EYS: variants seen among roughly 807,000 people sequenced by gnomAD.
The protein encoded by EYS is protein eyes shut homolog.
EYS carries 250 observed loss-of-function variants against 282.1 expected under a neutral mutation model. The observed-to-expected ratio is 0.89, with a 90% CI of 0.80 to 0.98. The LOEUF (loss-of-function observed/expected upper bound fraction) is 0.98, where lower values mean the gene tolerates loss of function less well. EYS is among the 50% of genes least tolerant of loss of function. EYS has a pLI of 0.00. For synonymous variants in EYS, 1,355 were observed against 1,282.9 expected, an observed-to-expected ratio of 1.06 and a Z score of -1.20; for missense variants, 4,016 against 3,709.0, an observed-to-expected ratio of 1.08 and a Z score of -2.15.
intron 11 of EYS, among the ~76,000 whole-genome samples, chr6:65,313,942 G>T (rs531863451): frequency 6.6e-6 from 1 of 152,174 alleles, no homozygotes; most frequent in African/African-American, 2.4e-5. Flanking sequence ...TATCTGATCA[G>T]ACCCTCTGCA....
intron 28 of EYS, among the ~76,000 whole-genome samples, chr6:64,424,997 G>A (rs1774355290): frequency 6.6e-6 from 1 of 152,090 alleles, no homozygotes; most frequent in South Asian, 2.1e-4. Context: ...GAACAGAAGA[G>A]AAAAATACTG....
At chr6:64,414,231 A>AATAAATATC (rs1438353803) in intron 28 of EYS, among the ~76,000 whole-genome samples, 1 of 152,178 alleles carries the variant, frequency 6.6e-6, no homozygotes, top group Non-Finnish European at 1.5e-5. Flanking sequence ...ATCATATACA[A>AATAAATATC]ATAAATATCT....
intron 22 of EYS, among the ~76,000 whole-genome samples, chr6:64,661,116 G>C (rs1333869379): frequency 6.6e-6 from 1 of 152,096 alleles, no homozygotes; most frequent in East Asian, 1.9e-4. Flanking sequence ...TGACAAACCT[G>C]ACAAAAACAA....
chr6:65,698,644 GT>G (rs772999003), intron 1 of EYS, among the ~76,000 whole-genome samples: 2 of 152,186 alleles, frequency 1.3e-5, no homozygotes, highest in African/African-American at 4.8e-5. Context: ...GTGCACTACT[GT>G]TTTTTGTGAA....
intron 26 of EYS, among the ~76,000 whole-genome samples, chr6:64,456,112 A>T (rs192365560): frequency 2.9e-4 from 44 of 152,164 alleles, no homozygotes; most frequent in Admixed American, 1.5e-3. Context: ...AGTTTTATTT[A>T]GCTTCTTTAA....
intron 22 of EYS, among the ~76,000 whole-genome samples, chr6:64,642,759 C>A (rs1768200615): frequency 6.6e-6 from 1 of 152,200 alleles, no homozygotes; most frequent in Non-Finnish European, 1.5e-5. Flanking sequence ...TTCATTCTCT[C>A]TAAAACCCTT....
chr6:64,762,298 T>C (rs531883535), intron 22 of EYS, among the ~76,000 whole-genome samples: 1 of 152,348 alleles, frequency 6.6e-6, no homozygotes, highest in East Asian at 1.9e-4. Flanking sequence ...CTTAACAAGT[T>C]GCAGAAGGCA....
At chr6:65,071,907 G>A (rs145897871) in intron 12 of EYS, among the ~76,000 whole-genome samples, 9 of 151,822 alleles carry the variant, frequency 5.9e-5, no homozygotes, top group Admixed American at 2.0e-4. Flanking sequence ...CATTATAAAA[G>A]TGCTTGATGA....
At position 64,682,714 on chromosome 6, in the gene EYS, G is replaced by C. The variant is rs576064898; in HGVS notation, c.3444-56469C>G. Among the ~76,000 whole-genome samples the C allele has an allele frequency of 3.9e-5, 6 of 152,248 alleles. No homozygotes were observed. The South Asian group carries it at 1.2e-3, about 32-fold the overall frequency. On this transcript the variant is annotated intron_variant, in intron 22 of 42. Transcript: ENST00000503581. ...AAGAAGACAGTCTGTGAAGTCTTAGGATCAAGGTTGAACATCGCACTTGGC... is the reference window on the plus strand; with the variant it reads ...AAGAAGACAGTCTGTGAAGTCTTAGCATCAAGGTTGAACATCGCACTTGGC...
intron 9 of EYS, among the ~76,000 whole-genome samples, chr6:65,344,980 A>G (rs1770340023): frequency 6.6e-6 from 1 of 151,742 alleles, no homozygotes; most frequent in Non-Finnish European, 1.5e-5. Flanking sequence ...TGGATTGCTT[A>G]TAGTAAACAA....
chr6:64,532,365 T>G (rs1040448076), intron 26 of EYS, among the ~76,000 whole-genome samples: 2 of 152,116 alleles, frequency 1.3e-5, no homozygotes, highest in Admixed American at 1.3e-4. Flanking sequence ...GCAGATTAGG[T>G]TAAATCAGGC....
At chr6:63,858,418 C>T (rs1772448418) in intron 36 of EYS, among the ~76,000 whole-genome samples, 1 of 152,106 alleles carries the variant, frequency 6.6e-6, no homozygotes, top group African/African-American at 2.4e-5. Flanking sequence ...TTTATAAGTG[C>T]TGCTTTTAAA....
At chr6:65,622,949 G>T (rs933860669) in intron 2 of EYS, among the ~76,000 whole-genome samples, 4 of 151,956 alleles carry the variant, frequency 2.6e-5, no homozygotes, top group South Asian at 2.1e-4. Context: ...GTACAGCTGA[G>T]ATCTGTCTAT....
chr6:64,493,246 T>C (rs2150507047), intron 26 of EYS, among the ~76,000 whole-genome samples: 1 of 151,290 alleles, frequency 6.6e-6, no homozygotes, highest in South Asian at 2.1e-4. Flanking sequence ...AGAAGGAATA[T>C]AAAAACCAAA....
rs183396699 is a variant in EYS, at chr6:64,295,578, A to T, written c.6191+11392T>A. On this transcript the variant is annotated intron_variant, in intron 30 of 42. Transcript: ENST00000503581. ...AGAAAGAAGAAGAAAAGAAGAAGAA[A>T]ATTAGCCGGGTGCAGTGGCGGGCGT... 2.2e-3 allele frequency among the ~76,000 whole-genome samples: 286 copies of T among 130,440 alleles called. 103 individuals carry two copies. The highest frequency in any genetic ancestry group is 8.2e-3 in the African/African-American group (273 of 33,174). 85.6% of individuals were successfully genotyped at this position (130,440 alleles called of 152,430 possible). A position where few individuals can be genotyped will look rare whatever the true frequency, so the allele number is the denominator to read the frequency against.
intron 30 of EYS, among the ~76,000 whole-genome samples, chr6:64,295,364 GAA>G: frequency 7.2e-5 from 1 of 13,844 alleles, no homozygotes; most frequent in Admixed American, 7.1e-4. Context: ...GGAAGAAGAA[GAA>G]GAAGGAAGAA....
intron 35 of EYS, among the ~76,000 whole-genome samples, chr6:63,951,604 A>G (rs1765597304): frequency 2.0e-5 from 3 of 151,940 alleles, no homozygotes; most frequent in Admixed American, 2.0e-4. Flanking sequence ...TCAGGCTCCA[A>G]TTCTTCCTCA....
chr6:64,199,021 A>G (rs952377060), intron 31 of EYS, among the ~76,000 whole-genome samples: 1 of 152,138 alleles, frequency 6.6e-6, no homozygotes, highest in Admixed American at 6.5e-5. Flanking sequence ...TCACCATTCT[A>G]ACTGGCATGA....
chr6:64,803,781 G>T (rs115785265), intron 22 of EYS, among the ~76,000 whole-genome samples: 2 of 152,216 alleles, frequency 1.3e-5, no homozygotes, highest in Non-Finnish European at 2.9e-5. Context: ...ACACCTGGCC[G>T]GTCCTGACAG....
Sources: gnomAD v4.1 joint callset for allele counts (sites outside exome capture counted in the v4.1 genomes callset) on GRCh38, gnomAD v4.1.1 for gene constraint, MANE v1.5 for transcripts, NCBI Gene and HGNC (gene_info 2026-07-23, HGNC 2026-07-21) for gene names.